Variants in ARHGAP44 observed in about 807,000 individuals in gnomAD.
ARHGAP44 encodes rho GTPase-activating protein 44.
In ARHGAP44, 43 loss-of-function variants were observed where a neutral mutation model predicts 106.8. The ratio of observed to expected loss-of-function variants is 0.40; its 90% CI spans 0.32 to 0.52. The LOEUF (loss-of-function observed/expected upper bound fraction) is 0.52, where lower values mean the gene tolerates loss of function less well. ARHGAP44 is among the 20% of genes least tolerant of loss of function. The probability of loss-of-function intolerance (pLI) is 0.48; values close to 1 mark genes in which losing one functional copy is unlikely to be tolerated. For missense variants in ARHGAP44, 866 were observed against 1,050.5 expected (o/e 0.82, Z 2.43); for synonymous variants, 439 against 410.3 (o/e 1.07, Z -0.85).
chr17:12,857,959 G>A (rs374468994), intron 1 of ARHGAP44, among the ~76,000 whole-genome samples: 87 of 152,132 alleles, frequency 5.7e-4, no homozygotes, highest in Middle Eastern at 3.4e-3. Flanking sequence ...ACTATTAGTG[G>A]CTTGAGGATT....
intron 1 of ARHGAP44, among the ~76,000 whole-genome samples, chr17:12,806,552 A>T (rs974232337): frequency 1.3e-5 from 2 of 152,306 alleles, no homozygotes; most frequent in East Asian, 3.9e-4. Context: ...GGTTGTGCAG[A>T]TTTGGATTCC....
At chr17:12,844,941 A>T (rs2035521455) in intron 1 of ARHGAP44, among the ~76,000 whole-genome samples, 1 of 152,180 alleles carries the variant, frequency 6.6e-6, no homozygotes, top group Non-Finnish European at 1.5e-5. Flanking sequence ...TTTGCCAAGA[A>T]TCAAACAAAA....
In ARHGAP44 at chr17:12,959,146, A is replaced by T. The variant is rs1030835717; in HGVS notation, c.1523+249A>T. 4.0e-5 allele frequency: 18 copies of T among 453,068 alleles called. No individual in the cohort carries two copies. In the Admixed American group the frequency reaches 6.4e-4, roughly 16 times the overall value. The allele number at this position is 453,068 out of a possible 1,614,324, so 28.1% of individuals were successfully genotyped here. A position where few individuals can be genotyped will look rare whatever the true frequency, so the allele number is the denominator to read the frequency against. On this transcript the variant is annotated intron_variant, in intron 16 of 20. Coordinates refer to ENST00000379672, the MANE Select transcript of ARHGAP44 (RefSeq NM_014859.6). ...TGATCAGTATTAATTAGTTCTCATC[A>T]AAAGAAAGAAAAAGTAGTCACTGAG...
At chr17:12,986,931 T>A in intron 20 of ARHGAP44, 2 of 608,732 alleles carry the variant, frequency 3.3e-6, no homozygotes, top group South Asian at 4.3e-5. Flanking sequence ...CAGCAGACTG[T>A]TGTTTTGTCC....
intron 16 of ARHGAP44, among the ~76,000 whole-genome samples, chr17:12,965,198 C>A (rs575362437): frequency 6.6e-6 from 1 of 152,326 alleles, no homozygotes; most frequent in South Asian, 2.1e-4. Flanking sequence ...CACGGAGATC[C>A]AGCTACCTCA....
At chr17:12,879,745 C>T (rs1302975200) in intron 1 of ARHGAP44, among the ~76,000 whole-genome samples, 1 of 151,040 alleles carries the variant, frequency 6.6e-6, no homozygotes, top group East Asian at 1.9e-4. Context: ...CACACACACA[C>T]ACACACTTAC....
intron 7 of ARHGAP44, among the ~76,000 whole-genome samples, chr17:12,935,085 A>C (rs535531721): frequency 6.6e-6 from 1 of 152,338 alleles, no homozygotes; most frequent in Non-Finnish European, 1.5e-5. Flanking sequence ...AGATCTGAGA[A>C]GATTCTATCA....
At chr17:12,851,469 CT>C (rs796114705) in intron 1 of ARHGAP44, among the ~76,000 whole-genome samples, 9 of 150,196 alleles carry the variant, frequency 6.0e-5, no homozygotes, top group East Asian at 1.9e-4. Flanking sequence ...ACTTTCTCTT[CT>C]TTTTTTTTTC....
chr17:12,802,927 T>TTTTATA (rs2034141433), intron 1 of ARHGAP44, among the ~76,000 whole-genome samples: 2 of 29,236 alleles, frequency 6.8e-5, no homozygotes, highest in Non-Finnish European at 1.2e-4. Context: ...CCTGGCTAAT[T>TTTTATA]TATATATATA....
intron 1 of ARHGAP44, among the ~76,000 whole-genome samples, chr17:12,828,250 A>G (rs1449153341): frequency 2.0e-5 from 3 of 151,878 alleles, no homozygotes; most frequent in Admixed American, 6.6e-5. Context: ...TAGATTTTTC[A>G]GAACTTCTAG....
chr17:12,894,281 GATAA>G (rs974623356), intron 1 of ARHGAP44, among the ~76,000 whole-genome samples: 28 of 143,740 alleles, frequency 1.9e-4, no homozygotes, highest in African/African-American at 6.5e-4. Flanking sequence ...CGTGTTGTCA[GATAA>G]AGAGAGAGTG....
intron 5 of ARHGAP44, among the ~76,000 whole-genome samples, chr17:12,919,426 C>G (rs1332477676): frequency 6.8e-6 from 1 of 147,542 alleles, no homozygotes; most frequent in African/African-American, 2.5e-5. Context: ...CGCTCTGTCA[C>G]ACAGGCTGGA....
chr17:12,851,811 A>G (rs1025494297), intron 1 of ARHGAP44, among the ~76,000 whole-genome samples: 3 of 152,156 alleles, frequency 2.0e-5, no homozygotes, highest in Non-Finnish European at 4.4e-5. Flanking sequence ...TCCAGAAATC[A>G]AGTCATGAAC....
intron 1 of ARHGAP44, 42 bp downstream of exon 1, chr17:12,789,933 G>A (rs750826690): frequency 1.3e-6 from 2 of 1,490,234 alleles, no homozygotes; most frequent in Non-Finnish European, 1.8e-6. Flanking sequence ...GCGCCCGCGA[G>A]GCTGCATCCG....
chr17:12,910,965 G>A (rs930703440), intron 4 of ARHGAP44, among the ~76,000 whole-genome samples: 7 of 148,900 alleles, frequency 4.7e-5, no homozygotes, highest in African/African-American at 1.7e-4. Flanking sequence ...AATAGAAATA[G>A]GATATATAAC....
intron 9 of ARHGAP44, 130 bp downstream of exon 9, chr17:12,943,799 G>T: frequency 9.4e-7 from 1 of 1,068,704 alleles, no homozygotes; most frequent in Non-Finnish European, 1.4e-6. Flanking sequence ...TGAGCCTTTT[G>T]GACTTACTTC....
At chr17:12,893,965 T>C (rs1177600714) in intron 1 of ARHGAP44, among the ~76,000 whole-genome samples, 1 of 152,184 alleles carries the variant, frequency 6.6e-6, no homozygotes, top group East Asian at 1.9e-4. Flanking sequence ...CTTACGTTTC[T>C]AAACAATCCT....
At chr17:12,827,124 G>A (rs1198997977) in intron 1 of ARHGAP44, among the ~76,000 whole-genome samples, 1 of 152,068 alleles carries the variant, frequency 6.6e-6, no homozygotes, top group East Asian at 1.9e-4. Context: ...TTTGGTCTCT[G>A]TAACCCTGTT....
chr17:12,893,720 T>C (rs911834912), intron 1 of ARHGAP44, among the ~76,000 whole-genome samples: 7 of 152,208 alleles, frequency 4.6e-5, no homozygotes, highest in African/African-American at 1.7e-4. Context: ...TTCTGTGGTG[T>C]TGGCTGCAGT....
Sources: allele counts gnomAD v4.1 joint callset (sites outside exome capture counted in the v4.1 genomes callset), GRCh38; gene constraint gnomAD v4.1.1; transcripts MANE v1.5; gene names NCBI Gene and HGNC (gene_info 2026-07-23, HGNC 2026-07-21).